MTCL1: variants seen among roughly 807,000 people sequenced by gnomAD.
MTCL1 encodes the protein microtubule cross-linking factor 1.
A neutral mutation model predicts 141.4 loss-of-function variants in MTCL1; 79 were observed. The ratio of observed to expected loss-of-function variants is 0.56; its 90% CI spans 0.47 to 0.67. The LOEUF (loss-of-function observed/expected upper bound fraction) is 0.67. Ranked by LOEUF, MTCL1 falls within the 30% of genes least tolerant of loss-of-function variation. MTCL1 has a pLI of 0.00. For synonymous variants in MTCL1, 914 were observed against 875.8 expected, an observed-to-expected ratio of 1.04 and a Z score of -0.77; for missense variants, 2,177 against 2,113.9, an observed-to-expected ratio of 1.03 and a Z score of -0.59.
intron 4 of MTCL1, among the ~76,000 whole-genome samples, chr18:8,721,769 CTT>C (rs2096174712): frequency 6.6e-6 from 1 of 152,214 alleles, no homozygotes; most frequent in Non-Finnish European, 1.5e-5. Context: ...TGTGTGTTTT[CTT>C]TCTCTGTCTT....
chr18:8,733,829 T>C (rs2096263344), intron 4 of MTCL1, among the ~76,000 whole-genome samples: 1 of 152,034 alleles, frequency 6.6e-6, no homozygotes, highest in African/African-American at 2.4e-5. Flanking sequence ...GGCCAGGCCG[T>C]TTTTACTTTT....
intron 1 of MTCL1, among the ~76,000 whole-genome samples, chr18:8,710,457 C>CTT (rs59830434): frequency 7.3e-4 from 89 of 121,752 alleles, no homozygotes; most frequent in Non-Finnish European, 1.0e-3. Context: ...CAGGCACTTT[C>CTT]TTTTTTTTTT....
intron 4 of MTCL1, among the ~76,000 whole-genome samples, chr18:8,767,608 A>G (rs2096465429): frequency 6.6e-6 from 1 of 152,174 alleles, no homozygotes; most frequent in Non-Finnish European, 1.5e-5. Context: ...TCTCCTGTTC[A>G]TTTCTGTCTG....
intron 4 of MTCL1, among the ~76,000 whole-genome samples, chr18:8,770,478 G>A (rs986332467): frequency 2.6e-5 from 4 of 152,148 alleles, no homozygotes; most frequent in Admixed American, 2.0e-4. Context: ...GAATCCTCCC[G>A]TGGCAGAGGG....
At chr18:8,712,887 G>A (rs1598357870), upstream of MTCL1, among the ~76,000 whole-genome samples, 1 of 152,186 alleles carries the variant, frequency 6.6e-6, no homozygotes, top group African/African-American at 2.4e-5. Flanking sequence ...TCCAAACTGG[G>A]TCTATTTAAA....
upstream of MTCL1, among the ~76,000 whole-genome samples, chr18:8,715,064 G>A (rs2096120185): frequency 6.6e-6 from 1 of 152,152 alleles, no homozygotes; most frequent in Non-Finnish European, 1.5e-5. Context: ...CCAAAGTGCT[G>A]GGATTACAGG....
At chr18:8,792,903 G>A (rs1489485726) in intron 7 of MTCL1, 95 bp from the exon 7 acceptor site, 16 of 1,531,890 alleles carry the variant, frequency 1.0e-5, no homozygotes, top group Non-Finnish European at 1.3e-5. Context: ...GTCGCTCCGT[G>A]TGCGTCCCCA....
intron 10 of MTCL1, among the ~76,000 whole-genome samples, chr18:8,804,346 C>G (rs540603902): frequency 4.0e-5 from 6 of 150,876 alleles, no homozygotes; most frequent in Middle Eastern, 3.4e-3. Context: ...ACCTTGAACT[C>G]CTGGGTTCAA....
intron 16 of MTCL1, chr18:8,829,705 G>T (rs1034603338): frequency 1.0e-6 from 1 of 985,196 alleles, no homozygotes; most frequent in African/African-American, 1.7e-5. Flanking sequence ...TACAACAGAT[G>T]TATCCCCATG....
At chr18:8,714,551 C>G (rs563485287), upstream of MTCL1, among the ~76,000 whole-genome samples, 2 of 152,082 alleles carry the variant, frequency 1.3e-5, no homozygotes, top group Non-Finnish European at 2.9e-5. Context: ...AAAGGAGGAG[C>G]AAAGACACAT....
intron 5 of MTCL1, among the ~76,000 whole-genome samples, chr18:8,782,975 C>G (rs914405213): frequency 1.2e-4 from 18 of 152,322 alleles, no homozygotes; most frequent in African/African-American, 4.3e-4. Context: ...AAGCTGAGCT[C>G]TCATTTGGGG....
At chr18:8,805,534 T>G (rs1248807795) in intron 10 of MTCL1, among the ~76,000 whole-genome samples, 1 of 152,204 alleles carries the variant, frequency 6.6e-6, no homozygotes, top group African/African-American at 2.4e-5. Flanking sequence ...TTTTTGTGTA[T>G]GTTTAGTGGA....
Position 8,743,184 on chromosome 18 carries a change from G to C in MTCL1, c.357+22688G>C, listed in dbSNP as rs888119336. 2.0e-5 allele frequency among the ~76,000 whole-genome samples: 3 copies of C among 152,202 alleles called. No individual in the cohort carries two copies. The South Asian group carries it at 6.2e-4, about 32-fold the overall frequency. Reference sequence around the variant, plus strand: ...GATAGTTTCCTGTTCCTTAGTACAGGACATTGTTCTAGCTGGCTAGTAAGG... The same window carrying C: ...GATAGTTTCCTGTTCCTTAGTACAGCACATTGTTCTAGCTGGCTAGTAAGG... On this transcript the variant is annotated intron_variant, in intron 4 of 16. Transcript: ENST00000359865.
chr18:8,734,544 C>T (rs2096266704), intron 4 of MTCL1, among the ~76,000 whole-genome samples: 2 of 152,052 alleles, frequency 1.3e-5, no homozygotes, highest in African/African-American at 4.8e-5. Flanking sequence ...TACCCATGTT[C>T]ACCTTTGCTC....
At chr18:8,778,381 A>G (rs1203730279) in intron 5 of MTCL1, among the ~76,000 whole-genome samples, 3 of 152,222 alleles carry the variant, frequency 2.0e-5, no homozygotes, top group South Asian at 2.1e-4. Flanking sequence ...TGTATTCTTC[A>G]AAACTTTCTT....
intron 4 of MTCL1, among the ~76,000 whole-genome samples, chr18:8,746,306 C>T (rs577699427): frequency 3.9e-5 from 6 of 152,178 alleles, no homozygotes; most frequent in Admixed American, 2.6e-4. Flanking sequence ...TTTAAGGAAC[C>T]GCCCCACTGT....
intron 4 of MTCL1, among the ~76,000 whole-genome samples, chr18:8,768,169 A>G (rs2096467970): frequency 6.6e-6 from 1 of 152,254 alleles, no homozygotes. Flanking sequence ...TTCACACTGT[A>G]TGTTAACATT....
intron 1 of MTCL1, among the ~76,000 whole-genome samples, chr18:8,710,868 C>CTTTTTTT (rs1479584025): frequency 6.2e-5 from 2 of 32,148 alleles, no homozygotes; most frequent in Non-Finnish European, 1.3e-4. Flanking sequence ...AATCTGTTTT[C>CTTTTTTT]TTTTTTCTTT....
At chr18:8,708,242 C>G (rs2096068354) in intron 1 of MTCL1, among the ~76,000 whole-genome samples, 1 of 152,218 alleles carries the variant, frequency 6.6e-6, no homozygotes, top group African/African-American at 2.4e-5. Flanking sequence ...ATCCAAATGA[C>G]TGCTGTGCAA....
Sources: allele counts gnomAD v4.1 joint callset (sites outside exome capture counted in the v4.1 genomes callset), GRCh38; gene constraint gnomAD v4.1.1; transcripts MANE v1.5; gene names NCBI Gene and HGNC (gene_info 2026-07-23, HGNC 2026-07-21).